The following KCNT2 variants were observed in gnomAD, a reference collection of about 807,000 sequenced individuals.
The protein encoded by KCNT2 is potassium channel subfamily T member 2.
Under a neutral mutation model 153.8 loss-of-function variants are expected in KCNT2, and 67 were observed. The ratio of observed to expected loss-of-function variants is 0.44; its 90% CI spans 0.36 to 0.53. The LOEUF (loss-of-function observed/expected upper bound fraction) is 0.53, where lower values mean the gene tolerates loss of function less well. Among genes scored for constraint, KCNT2 ranks in the 20% least tolerant of loss-of-function variants. KCNT2 has a pLI of 0.00. For synonymous variants in KCNT2, 500 were observed against 458.8 expected, an observed-to-expected ratio of 1.09 and a Z score of -1.15; for missense variants, 975 against 1,354.8, an observed-to-expected ratio of 0.72 and a Z score of 4.40.
At chr1:196,254,429 C>T (rs1181033353) in intron 26 of KCNT2, among the ~76,000 whole-genome samples, 2 of 151,474 alleles carry the variant, frequency 1.3e-5, no homozygotes, top group African/African-American at 4.8e-5. Flanking sequence ...TTAGTGAAGT[C>T]ATTAGCATGA....
At chr1:196,466,122 A>C (rs2148662395) in intron 7 of KCNT2, among the ~76,000 whole-genome samples, 1 of 152,208 alleles carries the variant, frequency 6.6e-6, no homozygotes, top group Admixed American at 6.6e-5. Context: ...ATGAATCATA[A>C]ATTAATATTG....
At chr1:196,316,464 T>C (rs1662732147) in intron 20 of KCNT2, among the ~76,000 whole-genome samples, 1 of 151,714 alleles carries the variant, frequency 6.6e-6, no homozygotes, top group Non-Finnish European at 1.5e-5. Context: ...ATTTAGATGG[T>C]CAAGCTTAAC....
At chr1:196,362,450 T>A (rs1349003706) in intron 14 of KCNT2, among the ~76,000 whole-genome samples, 1 of 152,088 alleles carries the variant, frequency 6.6e-6, no homozygotes, top group Non-Finnish European at 1.5e-5. Context: ...GCATCTGAGT[T>A]CATTAGCCTA....
intron 1 of KCNT2, among the ~76,000 whole-genome samples, chr1:196,500,409 T>C (rs1169792323): frequency 6.6e-6 from 1 of 152,148 alleles, no homozygotes; most frequent in Non-Finnish European, 1.5e-5. Flanking sequence ...GTTGGAACAT[T>C]GGTCTTTCTA....
At chr1:196,494,823 A>G (rs1680129005) in intron 1 of KCNT2, among the ~76,000 whole-genome samples, 1 of 152,216 alleles carries the variant, frequency 6.6e-6, no homozygotes. Context: ...ATGGAATGAC[A>G]CATAATGTGA....
chr1:196,466,201 A>T (rs1415937742), intron 7 of KCNT2, among the ~76,000 whole-genome samples: 1 of 152,110 alleles, frequency 6.6e-6, no homozygotes, highest in Non-Finnish European at 1.5e-5. Flanking sequence ...TTTTTTTCCA[A>T]CAACTAATAA....
At chr1:196,238,813 G>A (rs929488165) in intron 26 of KCNT2, among the ~76,000 whole-genome samples, 14 of 151,794 alleles carry the variant, frequency 9.2e-5, no homozygotes, top group Non-Finnish European at 2.1e-4. Flanking sequence ...ACATGTACCC[G>A]AGAACTTAAA....
intron 8 of KCNT2, among the ~76,000 whole-genome samples, chr1:196,430,285 T>C (rs1040523134): frequency 1.3e-5 from 2 of 151,938 alleles, no homozygotes; most frequent in African/African-American, 4.8e-5. Flanking sequence ...CACTAAAAGG[T>C]GAGACCATTA....
At chr1:196,272,708 G>C (rs1045369184) in intron 25 of KCNT2, among the ~76,000 whole-genome samples, 1 of 151,834 alleles carries the variant, frequency 6.6e-6, no homozygotes, top group African/African-American at 2.4e-5. Flanking sequence ...AACATCTTTT[G>C]TAAACATGTG....
At chr1:196,232,827 A>T (rs1373375070) in intron 27 of KCNT2, among the ~76,000 whole-genome samples, 1 of 151,486 alleles carries the variant, frequency 6.6e-6, no homozygotes, top group Non-Finnish European at 1.5e-5. Context: ...TTCTTTGAAC[A>T]TTCTGTCAAA....
chr1:196,380,034 A>C (rs964338516), intron 13 of KCNT2, among the ~76,000 whole-genome samples: 1 of 152,206 alleles, frequency 6.6e-6, no homozygotes, highest in Non-Finnish European at 1.5e-5. Flanking sequence ...TAAGTGGCAA[A>C]ACAATATAGC....
chr1:196,481,177 T>C (rs1423981805), intron 4 of KCNT2, among the ~76,000 whole-genome samples: 1 of 152,154 alleles, frequency 6.6e-6, no homozygotes, highest in East Asian at 1.9e-4. Flanking sequence ...CTTGATTTCA[T>C]GGTTATGATC....
At chr1:196,361,204 G>GACACAC (rs34251987) in intron 14 of KCNT2, among the ~76,000 whole-genome samples, 5 of 149,058 alleles carry the variant, frequency 3.4e-5, no homozygotes, top group Admixed American at 6.7e-5. Flanking sequence ...ACAGACACCA[G>GACACAC]ACACACACAC....
rs1174513389 is a variant in KCNT2 at position 196,323,426 on chromosome 1, T to C, written c.2276+3291A>G. ...AAAAATGACTAGATGACCTTTAAGG[T>C]TGGGGTGGTAATCAAAATATTTAAA... On this transcript the variant is annotated intron_variant, in intron 19 of 27. Coordinates refer to ENST00000294725, the MANE Select transcript of KCNT2 (RefSeq NM_198503.5). 2.6e-5 allele frequency among the ~76,000 whole-genome samples: 4 copies of C among 151,918 alleles called. No homozygotes were observed. In the South Asian group the frequency reaches 6.2e-4, roughly 24 times the overall value.
At chr1:196,348,639 T>A (rs989521899) in intron 14 of KCNT2, among the ~76,000 whole-genome samples, 1 of 152,056 alleles carries the variant, frequency 6.6e-6, no homozygotes, top group African/African-American at 2.4e-5. Flanking sequence ...TCTCGGATTT[T>A]AAAAAAAGTT....
chr1:196,603,308 C>T (rs1014887194), intron 1 of KCNT2, among the ~76,000 whole-genome samples: 4 of 151,776 alleles, frequency 2.6e-5, no homozygotes, highest in South Asian at 2.1e-4. Context: ...ATTTTAATGG[C>T]GCTCAAAAAT....
At chr1:196,606,647 G>A (rs527550057) in intron 1 of KCNT2, among the ~76,000 whole-genome samples, 3 of 151,968 alleles carry the variant, frequency 2.0e-5, no homozygotes, top group Non-Finnish European at 4.4e-5. Flanking sequence ...TTAACATATT[G>A]GATATGATAT....
intron 16 of KCNT2, among the ~76,000 whole-genome samples, chr1:196,339,853 A>G (rs1665442138): frequency 6.6e-6 from 1 of 152,060 alleles, no homozygotes; most frequent in Non-Finnish European, 1.5e-5. Context: ...GGTGAGAGTG[A>G]GGTAAGAGAT....
At chr1:196,257,925 T>A in intron 26 of KCNT2, 2 of 957,584 alleles carry the variant, frequency 2.1e-6, no homozygotes, top group Non-Finnish European at 2.5e-6. Context: ...AGGGTCTGGC[T>A]CAGAGTTTTT....
Sources: gnomAD v4.1 joint callset for allele counts (sites outside exome capture counted in the v4.1 genomes callset) on GRCh38, gnomAD v4.1.1 for gene constraint, MANE v1.5 for transcripts, NCBI Gene and HGNC (gene_info 2026-07-23, HGNC 2026-07-21) for gene names.